ZNF827: variants seen among roughly 807,000 people sequenced by gnomAD.
ZNF827 encodes the protein zinc finger protein 827.
A neutral mutation model predicts 102.4 loss-of-function variants in ZNF827; 13 were observed. The observed-to-expected ratio is 0.13, with a 90% CI of 0.08 to 0.20. The LOEUF is 0.20. ZNF827 is among the 10% of genes least tolerant of loss of function. The pLI is 1.00. For missense variants in ZNF827, 1,103 were observed against 1,344.4 expected (o/e 0.82, Z 2.81); for synonymous variants, 523 against 536.2 (o/e 0.98, Z 0.34).
rs563766883 is a variant in ZNF827 at position 145,902,039 on chromosome 4, T to C, written c.1093+127A>G. The C allele has an allele frequency of 4.7e-5, 58 of 1,223,976 alleles. 1 individual carries two copies. The East Asian group carries it at 6.2e-4, about 13-fold the overall frequency. The allele number at this position is 1,223,976 out of a possible 1,614,324, so 75.8% of individuals were successfully genotyped here. ...TGCTGCTTACTTAAAGTATTTTTGT[T>C]GTGCTCTTGCTTTTTTATTCCTGCC... On this transcript the variant is annotated intron_variant, in intron 2 of 14. Coordinates refer to ENST00000508784, the MANE Select transcript of ZNF827 (RefSeq NM_001306215.2). The surrounding 1 kb of genome is among the most constrained non-coding windows in gnomAD (Gnocchi z 4.3).
In ZNF827 at chr4:145,797,027, C is replaced by T. The variant is rs77131818; in HGVS notation, c.2384-17516G>A. 8.0e-3 allele frequency among the ~76,000 whole-genome samples: 1,213 copies of T among 152,190 alleles called. 17 individuals are homozygous for T. The highest frequency in any genetic ancestry group is 0.024 in the African/African-American group (976 of 41,504). On this transcript the variant is annotated intron_variant, in intron 8 of 14. Transcript: ENST00000508784. The stretch of plus-strand genomic sequence containing the variant: ...ACACTGACTATGTATGTACTGGATG[C>T]GTGTACTGGATGCATGTAATGTGGG...
chr4:145,814,679 T>C (rs1742391290), intron 8 of ZNF827, among the ~76,000 whole-genome samples: 1 of 151,256 alleles, frequency 6.6e-6, no homozygotes, highest in Non-Finnish European at 1.5e-5. Context: ...ATCCCAGCAC[T>C]TTGGGAGGCC....
chr4:145,873,730 T>C (rs1748908811), intron 4 of ZNF827, among the ~76,000 whole-genome samples: 1 of 152,180 alleles, frequency 6.6e-6, no homozygotes. Flanking sequence ...ATCTAGCACA[T>C]TTCTCCCCTT....
intron 8 of ZNF827, among the ~76,000 whole-genome samples, chr4:145,814,281 C>A (rs565151567): frequency 1.7e-4 from 26 of 152,318 alleles, no homozygotes; most frequent in African/African-American, 6.0e-4. Flanking sequence ...GGCTTCAATG[C>A]CTTACTTCCC....
chr4:145,787,865 C>A (rs1033953524), intron 8 of ZNF827, among the ~76,000 whole-genome samples: 1 of 152,096 alleles, frequency 6.6e-6, no homozygotes, highest in Admixed American at 6.5e-5. Flanking sequence ...CCCAGGGCAC[C>A]CCACATCTTG....
intron 5 of ZNF827, among the ~76,000 whole-genome samples, chr4:145,868,663 T>C (rs1748417298): frequency 1.3e-5 from 2 of 152,234 alleles, no homozygotes; most frequent in Non-Finnish European, 2.9e-5. Flanking sequence ...AGATAAAATA[T>C]TTTTCCTTAA....
chr4:145,911,640 A>G (rs1361626125), intron 1 of ZNF827, among the ~76,000 whole-genome samples: 1 of 152,216 alleles, frequency 6.6e-6, no homozygotes, highest in African/African-American at 2.4e-5. Flanking sequence ...ACAGATGGAA[A>G]AGCCTTGGAA....
chr4:145,938,375 G>A lies in ZNF827; in HGVS notation c.33C>T (p.Arg11=). The change falls in exon 1 of 15, where the codon CGC becomes CGT. Residue 11 remains arginine (R), a synonymous_variant. Transcript: ENST00000508784. MPRRKQEQPK[R]LPSHVSRQEE... ...GAAGGGATGACTTACGTGAGGGAAG[G>A]CGCTTGGGCTGCTCCTGCTTCCTCC... The A allele has an allele frequency of 6.2e-7, 1 of 1,613,484 alleles. No individual in the cohort carries two copies. The highest frequency in any genetic ancestry group is 8.5e-7 in the Non-Finnish European group (1 of 1,179,970).
At chr4:145,814,299 G>C (rs1429210041) in intron 8 of ZNF827, among the ~76,000 whole-genome samples, 4 of 152,124 alleles carry the variant, frequency 2.6e-5, no homozygotes, top group Non-Finnish European at 5.9e-5. Context: ...CCCACCACCA[G>C]TACCTGCATG....
intron 5 of ZNF827, among the ~76,000 whole-genome samples, chr4:145,868,674 A>G (rs923032546): frequency 2.0e-5 from 3 of 152,260 alleles, no homozygotes; most frequent in African/African-American, 7.2e-5. Context: ...TTTTCCTTAA[A>G]GAACATCACT....
At chr4:145,812,384 C>T (rs1159122167) in intron 8 of ZNF827, among the ~76,000 whole-genome samples, 3 of 152,196 alleles carry the variant, frequency 2.0e-5, no homozygotes, top group Non-Finnish European at 4.4e-5. Flanking sequence ...CTCCCACTCT[C>T]TGCTTCCAGA....
intron 9 of ZNF827, 54 bp downstream of exon 9, chr4:145,779,320 A>G (rs1737598046): frequency 1.3e-6 from 2 of 1,582,936 alleles, no homozygotes; most frequent in African/African-American, 2.7e-5. Flanking sequence ...CCGGAGAGTA[A>G]AGAAGTTGGT....
intron 8 of ZNF827, among the ~76,000 whole-genome samples, chr4:145,796,786 C>G (rs980546504): frequency 6.6e-6 from 1 of 152,066 alleles, no homozygotes; most frequent in African/African-American, 2.4e-5. Context: ...CCCGCTACCA[C>G]GCCTGGCTAA....
At chr4:145,807,353 C>T (rs1245824816) in intron 8 of ZNF827, among the ~76,000 whole-genome samples, 1 of 152,166 alleles carries the variant, frequency 6.6e-6, no homozygotes, top group African/African-American at 2.4e-5. Context: ...GTGTTTCATG[C>T]TCATTATAGA....
At chr4:145,877,822 ATCTCCCTCG>A (rs1174444908) in intron 4 of ZNF827, among the ~76,000 whole-genome samples, 2 of 152,254 alleles carry the variant, frequency 1.3e-5, no homozygotes, top group Non-Finnish European at 2.9e-5. Flanking sequence ...CAGACAGGAT[ATCTCCCTCG>A]TCAAAAGCAG....
At chr4:145,925,594 AG>A (rs1753366332) in intron 1 of ZNF827, among the ~76,000 whole-genome samples, 1 of 152,208 alleles carries the variant, frequency 6.6e-6, no homozygotes, top group Non-Finnish European at 1.5e-5. Context: ...ATGAGCACCA[AG>A]TGGGGGTTAC....
At chr4:145,907,214 T>C in intron 1 of ZNF827, 1 of 456,548 alleles carries the variant, frequency 2.2e-6, no homozygotes, top group Non-Finnish European at 4.4e-6. Context: ...TTTTCTTCTT[T>C]TTTTGCCTGC....
intron 1 of ZNF827, among the ~76,000 whole-genome samples, chr4:145,918,332 C>CAAAAAAAAAAAAAAA (rs34428145): frequency 9.0e-5 from 2 of 22,142 alleles, no homozygotes; most frequent in African/African-American, 4.6e-4. Context: ...TAGCTCAAGG[C>CAAAAAAAAAAAAAAA]AAAAAAAAAA....
At chr4:145,907,255 T>C (rs1184828060) in intron 1 of ZNF827, 1 of 454,914 alleles carries the variant, frequency 2.2e-6, no homozygotes. Context: ...TCCAATCTCA[T>C]AATGGAGGAG....
Sources: allele counts gnomAD v4.1 joint callset (sites outside exome capture counted in the v4.1 genomes callset), GRCh38; gene constraint gnomAD v4.1.1; non-coding constraint Gnocchi (gnomAD v3.1); transcripts MANE v1.5; gene names NCBI Gene and HGNC (gene_info 2026-07-23, HGNC 2026-07-21).